Variants in MED12L observed in about 807,000 individuals in gnomAD.
The protein encoded by MED12L is mediator complex subunit 12L, also known as mediator of RNA polymerase II transcription subunit 12-like protein.
In MED12L, 60 loss-of-function variants were observed where a neutral mutation model predicts 281.3. The observed-to-expected ratio is 0.21, with a 90% CI of 0.17 to 0.26. The LOEUF is 0.26. MED12L is among the 10% of genes least tolerant of loss of function. MED12L has a pLI of 1.00. For synonymous variants in MED12L, 974 were observed against 987.2 expected (o/e 0.99, Z 0.25); for missense variants, 2,146 against 2,680.9 (o/e 0.80, Z 4.41).
intron 16 of MED12L, among the ~76,000 whole-genome samples, chr3:151,255,668 G>A (rs993023435): frequency 6.6e-6 from 1 of 152,164 alleles, no homozygotes; most frequent in African/African-American, 2.4e-5. Flanking sequence ...TCTTAAGCTA[G>A]TGTTTTATCC....
chr3:151,373,222 G>A (rs1302262452), intron 27 of MED12L, among the ~76,000 whole-genome samples: 1 of 152,134 alleles, frequency 6.6e-6, no homozygotes, highest in Non-Finnish European at 1.5e-5. Flanking sequence ...GAGGTTTCCT[G>A]TAGATTAGCT....
At chr3:151,287,683 T>C (rs1473771292) in intron 16 of MED12L, among the ~76,000 whole-genome samples, 1 of 152,194 alleles carries the variant, frequency 6.6e-6, no homozygotes, top group Non-Finnish European at 1.5e-5. Context: ...ATCTACTATA[T>C]AAGGTTCTTG....
At chr3:151,248,699 C>T (rs1050597260) in intron 16 of MED12L, among the ~76,000 whole-genome samples, 1 of 152,084 alleles carries the variant, frequency 6.6e-6, no homozygotes, top group Non-Finnish European at 1.5e-5. Flanking sequence ...TTTAACTAGA[C>T]TTGGTTTATT....
intron 2 of MED12L, among the ~76,000 whole-genome samples, chr3:151,103,142 A>G (rs1443653139): frequency 6.6e-6 from 1 of 152,116 alleles, no homozygotes; most frequent in African/African-American, 2.4e-5. Flanking sequence ...GCTGCCTTAA[A>G]TATAATTCTG....
rs373160082 is a variant in MED12L at position 151,199,422 on chromosome 3, G to T, written c.2250+5756G>T. 20 of 1,540,904 alleles carry T rather than the reference G, an allele frequency of 1.3e-5. No individual in the cohort carries two copies. In the African/African-American group the frequency reaches 2.4e-4, roughly 18 times the overall value. ...AGTAAGGATGACTGCTTATTGAAAA[G>T]AAAAAATTTCTAAGACTCTGTAAAA... is the stretch of plus-strand genomic sequence containing the variant. On this transcript the variant is annotated intron_variant, in intron 16 of 44. Transcript: ENST00000687756.
chr3:151,275,461 C>G (rs1464675331), intron 16 of MED12L, among the ~76,000 whole-genome samples: 1 of 152,050 alleles, frequency 6.6e-6, no homozygotes, highest in Non-Finnish European at 1.5e-5. Flanking sequence ...AAATAAAAAG[C>G]TAGCAATTTA....
At chr3:151,423,134 C>A (rs1440879396) in intron 43 of MED12L, among the ~76,000 whole-genome samples, 1 of 151,524 alleles carries the variant, frequency 6.6e-6, no homozygotes, top group Non-Finnish European at 1.5e-5. Flanking sequence ...ATTCTCCTGC[C>A]TCAGCATCCC....
intron 16 of MED12L, among the ~76,000 whole-genome samples, chr3:151,232,932 A>G (rs1731990858): frequency 6.6e-6 from 1 of 152,186 alleles, no homozygotes; most frequent in Non-Finnish European, 1.5e-5. Flanking sequence ...AATTTTTTTT[A>G]ATATTGTTTA....
intron 16 of MED12L, among the ~76,000 whole-genome samples, chr3:151,292,288 CTT>C (rs35742538): frequency 0.029 from 4,056 of 139,828 alleles, 187 homozygotes; most frequent in African/African-American, 0.1. Context: ...AATATTGCTC[CTT>C]TTTTTTTTTT....
intron 16 of MED12L, chr3:151,278,491 C>G (rs1423633627): frequency 4.0e-5 from 6 of 150,638 alleles, no homozygotes; most frequent in Admixed American, 4.0e-4. Flanking sequence ...GACGTGGAAA[C>G]AAAGAGGAAG....
At chr3:151,213,313 GT>G (rs1727495713) in intron 16 of MED12L, 1 of 1,607,352 alleles carries the variant, frequency 6.2e-7, no homozygotes. Flanking sequence ...CAAAGTATCT[GT>G]GCTTTCAAGT....
intron 5 of MED12L, among the ~76,000 whole-genome samples, chr3:151,134,546 G>T (rs963099392): frequency 7.9e-5 from 12 of 152,182 alleles, no homozygotes. Flanking sequence ...ATGAGTAGGG[G>T]ACATGCATCC....
In MED12L at chr3:151,371,988, T is replaced by TA. The variant is rs966891584; in HGVS notation, c.3665-572dup. On this transcript the variant is annotated intron_variant, in intron 26 of 44. Transcript: ENST00000687756. Reference sequence around the variant, plus strand: ...AATTTGTATGTTACAGAGAGGAAGGTAAAAAAACAGGGGTTATTCAATGAA... The same window carrying TA: ...AATTTGTATGTTACAGAGAGGAAGGTAAAAAAAACAGGGGTTATTCAATGAA... Among the ~76,000 whole-genome samples, 36 of 152,234 alleles carry TA rather than the reference T, an allele frequency of 2.4e-4. No homozygotes were observed. The East Asian group carries it at 5.6e-3, about 24-fold the overall frequency.
At chr3:151,229,305 C>CTTT (rs35097589) in intron 16 of MED12L, among the ~76,000 whole-genome samples, 11 of 112,512 alleles carry the variant, frequency 9.8e-5, no homozygotes, top group African/African-American at 1.8e-4. Context: ...TTCAGCAATT[C>CTTT]TTTTTTTTTT....
intron 21 of MED12L, among the ~76,000 whole-genome samples, chr3:151,363,922 G>T (rs528995543): frequency 8.9e-4 from 135 of 152,174 alleles, no homozygotes; most frequent in Non-Finnish European, 1.2e-3. Flanking sequence ...CAATAGTTTA[G>T]AATAGAGAGT....
At chr3:151,091,780 C>T (rs542833780) in intron 2 of MED12L, among the ~76,000 whole-genome samples, 1 of 152,338 alleles carries the variant, frequency 6.6e-6, no homozygotes, top group Admixed American at 6.5e-5. Context: ...TTCACCTCTG[C>T]AGTCATTGCC....
Position 151,367,726 on chromosome 3 carries a change from C to G in MED12L, c.3408C>G (p.Asp1136Glu). The change falls in exon 24 of 45, where the codon GAC (aspartate) becomes GAG (glutamate). Residue 1136 changes from aspartate (D) to glutamate (E), a missense_variant. Physicochemically the swap from Asp to Glu is conservative, Grantham distance 45. Coordinates refer to ENST00000687756, the MANE Select transcript of MED12L (RefSeq NM_001393769.1). Reference sequence around the variant, plus strand: ...CACGACAGTGTTTTTCCCTGGAGGACGTCGTGCAGCATGTCGCACTTCCCT... The same window carrying G: ...CACGACAGTGTTTTTCCCTGGAGGAGGTCGTGCAGCATGTCGCACTTCCCT... ...LIARQCFSLE[D>E]VVQHVALPSL... The G allele has an allele frequency of 6.2e-7, 1 of 1,611,406 alleles. No homozygotes were observed. The highest frequency in any genetic ancestry group is 8.5e-7 in the Non-Finnish European group (1 of 1,178,182).
At chr3:151,248,065 TTAC>T (rs1736083012) in intron 16 of MED12L, among the ~76,000 whole-genome samples, 1 of 146,910 alleles carries the variant, frequency 6.8e-6, no homozygotes, top group Non-Finnish European at 1.5e-5. Flanking sequence ...TTTTTGGAAA[TTAC>T]TACATAATTT....
intron 16 of MED12L, among the ~76,000 whole-genome samples, chr3:151,224,580 C>T (rs1315743833): frequency 1.3e-5 from 2 of 152,120 alleles, no homozygotes; most frequent in African/African-American, 4.8e-5. Context: ...CTGTGTTCTG[C>T]ATTCCTGTGG....
Sources: allele counts gnomAD v4.1 joint callset (sites outside exome capture counted in the v4.1 genomes callset), GRCh38; gene constraint gnomAD v4.1.1; transcripts MANE v1.5; gene names NCBI Gene and HGNC (gene_info 2026-07-23, HGNC 2026-07-21).